Variants in HEATR4 observed in about 807,000 individuals in gnomAD.
HEATR4 encodes HEAT repeat-containing protein 4.
In HEATR4, 95 loss-of-function variants were observed where a neutral mutation model predicts 108.8. The ratio of observed to expected loss-of-function variants is 0.87; its 90% CI spans 0.74 to 1.04. HEATR4 has a LOEUF of 1.04. HEATR4 is among the 50% of genes least tolerant of loss of function. The probability of loss-of-function intolerance (pLI) is 0.00; values close to 1 mark genes in which losing one functional copy is unlikely to be tolerated. For synonymous variants in HEATR4, 443 were observed against 459.4 expected (o/e 0.96, Z 0.46); for missense variants, 1,152 against 1,253.8 (o/e 0.92, Z 1.23).
chr14:73,572,678 C>T, the HEATR4 span, among the ~76,000 whole-genome samples: 4 of 136,888 alleles, frequency 2.9e-5, no homozygotes, highest in African/African-American at 8.0e-5. Context: ...GACAGTGTCT[C>T]GCTCTTTCGC....
chr14:73,590,950 C>T, the HEATR4 span, among the ~76,000 whole-genome samples: 1 of 152,184 alleles, frequency 6.6e-6, no homozygotes, highest in African/African-American at 2.4e-5. Context: ...GAGGAGGCGC[C>T]GACAGCGAGC....
At chr14:73,561,415 C>T (rs1440500168), upstream of HEATR4, among the ~76,000 whole-genome samples, 5 of 150,874 alleles carry the variant, frequency 3.3e-5, no homozygotes, top group Admixed American at 2.6e-4. Flanking sequence ...GGGCCAGGTG[C>T]AGTGGCTCAC....
intron 2 of HEATR4, among the ~76,000 whole-genome samples, chr14:73,528,371 G>C (rs55705802): frequency 0.11 from 12,060 of 113,362 alleles, 653 homozygotes; most frequent in Middle Eastern, 0.23. Context: ...CAGCCTGGAC[G>C]ACAAGAGCGA....
At position 73,502,964 on chromosome 14, in the gene HEATR4, T is replaced by TC; in HGVS notation, c.2035dup (p.Glu679GlyfsTer44). 6.2e-7 allele frequency: 1 copy of TC among 1,614,120 alleles called. No individual in the cohort carries two copies. Among genetic ancestry groups the TC allele is most frequent in the Non-Finnish European group, 8.5e-7 (1 of 1,180,042 alleles). On this transcript the variant is annotated frameshift_variant, in exon 11 of 18. Transcript: ENST00000553558. LOFTEE classifies it high-confidence loss of function. ...CGCCTGTGCAGCTGCTCTCCTCACT[T>TC]CCTTATTCCAGTCATTCCACATCAG...
At chr14:73,588,672 T>C in the HEATR4 span, among the ~76,000 whole-genome samples, 2 of 152,210 alleles carry the variant, frequency 1.3e-5, no homozygotes, top group Non-Finnish European at 2.9e-5. Context: ...TATGATGTTA[T>C]TAATGGCAGA....
chr14:73,614,597 A>T, the HEATR4 span, among the ~76,000 whole-genome samples: 9 of 151,922 alleles, frequency 5.9e-5, no homozygotes, highest in Non-Finnish European at 1.2e-4. Flanking sequence ...ATACAAAAAA[A>T]TTAGCCAGGC....
intron 7 of HEATR4, among the ~76,000 whole-genome samples, chr14:73,510,406 A>C (rs997137138): frequency 1.3e-5 from 2 of 151,458 alleles, no homozygotes; most frequent in Non-Finnish European, 1.5e-5. Flanking sequence ...AGCATCAGGC[A>C]TCCCTGTTGG....
At chr14:73,559,894 G>C (rs570203528), upstream of HEATR4, among the ~76,000 whole-genome samples, 32 of 152,198 alleles carry the variant, frequency 2.1e-4, 1 homozygote, top group Non-Finnish European at 3.5e-4. Flanking sequence ...AAAACAGATG[G>C]TAAAGTAGAA....
chr14:73,528,580 G>A (rs961025518), intron 2 of HEATR4, among the ~76,000 whole-genome samples: 5 of 152,058 alleles, frequency 3.3e-5, no homozygotes, highest in African/African-American at 1.2e-4. Context: ...CGGGACAGGT[G>A]TAAGGCCAAA....
At chr14:73,573,206 C>G in the HEATR4 span, among the ~76,000 whole-genome samples, 1 of 151,140 alleles carries the variant, frequency 6.6e-6, no homozygotes, top group Admixed American at 6.6e-5. Context: ...TTGGCTACAA[C>G]GAGTAAAGTC....
chr14:73,617,011 T>G, the HEATR4 span: 5 of 760,332 alleles, frequency 6.6e-6, no homozygotes, highest in Admixed American at 2.0e-5. Flanking sequence ...TTTCCTGGGA[T>G]CATTGATCTG....
At chr14:73,491,971 G>T (rs1253386307) in intron 17 of HEATR4, 1 of 1,613,874 alleles carries the variant, frequency 6.2e-7, no homozygotes, top group African/African-American at 1.3e-5. Context: ...TTCAAGAGCA[G>T]TTTGGAAGCA....
At chr14:73,514,292 A>T in intron 5 of HEATR4, 58 bp from the exon 6 acceptor site, 3 of 1,484,338 alleles carry the variant, frequency 2.0e-6, no homozygotes, top group Non-Finnish European at 2.8e-6. Context: ...CCTGCCACAC[A>T]GTGGCCCCAG....
intron 14 of HEATR4, 60 bp from the exon 15 acceptor site, chr14:73,496,739 GT>G: frequency 1.1e-6 from 1 of 931,580 alleles, no homozygotes; most frequent in Non-Finnish European, 1.8e-6. Flanking sequence ...AAGTATGGGG[GT>G]AGAAAATATA....
intron 1 of HEATR4, among the ~76,000 whole-genome samples, chr14:73,546,769 G>T (rs1224926006): frequency 8.9e-6 from 1 of 111,788 alleles, no homozygotes; most frequent in African/African-American, 2.8e-5. Flanking sequence ...AAACTAACAT[G>T]CTCCATAATG....
chr14:73,619,313 G>A, the HEATR4 span: 1 of 1,613,642 alleles, frequency 6.2e-7, no homozygotes, highest in Non-Finnish European at 8.5e-7. Flanking sequence ...TTCTTGAAGG[G>A]CATCACAGCC....
the HEATR4 span, chr14:73,619,427 C>G: frequency 1.2e-6 from 2 of 1,614,160 alleles, no homozygotes; most frequent in Non-Finnish European, 1.7e-6. Context: ...GTAAAAATCA[C>G]TAAGTCAGGA....
chr14:73,581,751 G>A, the HEATR4 span: 1 of 115,590 alleles, frequency 8.7e-6, no homozygotes, highest in African/African-American at 3.4e-5. Flanking sequence ...TGAACCTGGG[G>A]CTTCAGATCC....
intron 17 of HEATR4, among the ~76,000 whole-genome samples, chr14:73,481,937 G>A (rs1424407983): frequency 6.6e-6 from 1 of 152,150 alleles, no homozygotes; most frequent in Non-Finnish European, 1.5e-5. Flanking sequence ...AGTTGAGGCT[G>A]CAGTGAGCCA....
Sources: allele counts gnomAD v4.1 joint callset (sites outside exome capture counted in the v4.1 genomes callset), GRCh38; gene constraint gnomAD v4.1.1; transcripts MANE v1.5; gene names NCBI Gene and HGNC (gene_info 2026-07-23, HGNC 2026-07-21).